The following CACNA1E variants were observed in gnomAD, a reference collection of about 807,000 sequenced individuals.
The protein encoded by CACNA1E is voltage-dependent R-type calcium channel subunit alpha-1E.
Under a neutral mutation model 259.2 loss-of-function variants are expected in CACNA1E, and 40 were observed. That is an observed-to-expected ratio of 0.15 (90% confidence interval 0.12 to 0.20). The LOEUF is 0.20. CACNA1E is among the 10% of genes least tolerant of loss of function. The pLI is 1.00. For missense variants in CACNA1E, 1,874 were observed against 3,040.1 expected (o/e 0.62, Z 9.02); for synonymous variants, 1,104 against 1,138.5 (o/e 0.97, Z 0.61).
chr1:181,523,085 C>G (rs1161765402), intron 3 of CACNA1E, among the ~76,000 whole-genome samples: 1 of 152,270 alleles, frequency 6.6e-6, no homozygotes, highest in East Asian at 1.9e-4. Context: ...TCATTCTGAC[C>G]AAGACCTTCT....
chr1:181,667,809 T>A (rs772186487), intron 7 of CACNA1E, among the ~76,000 whole-genome samples: 3 of 151,722 alleles, frequency 2.0e-5, no homozygotes, highest in Admixed American at 6.6e-5. Flanking sequence ...AAAAAATAGC[T>A]GTTGAAGCTG....
intron 7 of CACNA1E, among the ~76,000 whole-genome samples, chr1:181,710,494 T>A (rs1427166368): frequency 1.3e-5 from 2 of 152,086 alleles, no homozygotes; most frequent in Non-Finnish European, 2.9e-5. Flanking sequence ...AGGATGGTCG[T>A]GAGGATGAAA....
chr1:181,539,356 A>G (rs982749969), intron 3 of CACNA1E, among the ~76,000 whole-genome samples: 2 of 152,208 alleles, frequency 1.3e-5, no homozygotes, highest in African/African-American at 4.8e-5. Flanking sequence ...AAATATTACC[A>G]AATGAACAGA....
chr1:181,757,731 T>C (rs1392437307), intron 30 of CACNA1E, among the ~76,000 whole-genome samples: 1 of 152,132 alleles, frequency 6.6e-6, no homozygotes, highest in African/African-American at 2.4e-5. Flanking sequence ...AACCATGAAG[T>C]CCCTACTCCA....
At chr1:181,397,058 GC>G (rs1317175478) in intron 1 of CACNA1E, among the ~76,000 whole-genome samples, 2 of 152,160 alleles carry the variant, frequency 1.3e-5, no homozygotes, top group South Asian at 2.1e-4. Context: ...GTAGTTCCAA[GC>G]CCTGAAGATA....
chr1:181,440,296 G>A (rs1660376469), intron 2 of CACNA1E, among the ~76,000 whole-genome samples: 1 of 152,210 alleles, frequency 6.6e-6, no homozygotes, highest in South Asian at 2.1e-4. Context: ...CCTTACATCA[G>A]TGATACCCAA....
chr1:181,377,125 A>T (rs1655156299), intron 1 of CACNA1E, among the ~76,000 whole-genome samples: 1 of 152,230 alleles, frequency 6.6e-6, no homozygotes, highest in Non-Finnish European at 1.5e-5. Flanking sequence ...TAAAGAACGT[A>T]AAAAGGGGTT....
At chr1:181,669,374 C>G (rs1390190457) in intron 7 of CACNA1E, among the ~76,000 whole-genome samples, 1 of 152,144 alleles carries the variant, frequency 6.6e-6, no homozygotes, top group Non-Finnish European at 1.5e-5. Flanking sequence ...CTCACTGTTC[C>G]CGGATTTCCC....
chr1:181,659,949 C>T (rs1223044472), intron 7 of CACNA1E, among the ~76,000 whole-genome samples: 3 of 152,132 alleles, frequency 2.0e-5, no homozygotes, highest in South Asian at 2.1e-4. Flanking sequence ...AGAGATATGC[C>T]GCCAGTGGTA....
At chr1:181,693,482 GA>G (rs1405923297) in intron 7 of CACNA1E, among the ~76,000 whole-genome samples, 1 of 152,140 alleles carries the variant, frequency 6.6e-6, no homozygotes, top group East Asian at 1.9e-4. Flanking sequence ...CCATAAAAAG[GA>G]ATGACATCAT....
At chr1:181,553,912 A>G (rs967096383) in intron 3 of CACNA1E, among the ~76,000 whole-genome samples, 3 of 152,288 alleles carry the variant, frequency 2.0e-5, no homozygotes, top group Non-Finnish European at 2.9e-5. Flanking sequence ...GGTGATTGCT[A>G]TCATTATCAT....
At chr1:181,766,652 A>C in intron 35 of CACNA1E, 41 bp downstream of exon 35, 2 of 1,443,258 alleles carry the variant, frequency 1.4e-6, no homozygotes, top group Non-Finnish European at 9.7e-7. Context: ...GACAGCTGTT[A>C]CCCAGATAAT....
rs1409266023 is a variant in CACNA1E at position 181,322,853 on chromosome 1, C to T, written c.-15+4730C>T. ...GAGAGAGTGCTCTAGATTCTCAGTA[C>T]AGGATTGGTAGTGACAGCAGCAGCT... On this transcript the variant is annotated intron_variant, in intron 1 of 11. Transcript: ENST00000524607. Among the ~76,000 whole-genome samples, 5 of 152,104 alleles carry T rather than the reference C, an allele frequency of 3.3e-5. No homozygotes were observed. The East Asian group carries it at 7.7e-4, about 23-fold the overall frequency.
intron 2 of CACNA1E, among the ~76,000 whole-genome samples, chr1:181,415,794 CT>C (rs1291062614): frequency 6.6e-6 from 1 of 152,190 alleles, no homozygotes; most frequent in Non-Finnish European, 1.5e-5. Flanking sequence ...CTCATCATGG[CT>C]TTTCCCCTCA....
intron 8 of CACNA1E, among the ~76,000 whole-genome samples, chr1:181,714,528 C>T (rs1558297172): frequency 6.6e-6 from 1 of 152,112 alleles, no homozygotes; most frequent in Non-Finnish European, 1.5e-5. Context: ...AGTGCCCCTC[C>T]TCCCTAGAAG....
intron 1 of CACNA1E, among the ~76,000 whole-genome samples, chr1:181,408,706 C>T (rs1367331873): frequency 6.6e-6 from 1 of 152,192 alleles, no homozygotes; most frequent in Non-Finnish European, 1.5e-5. Flanking sequence ...TAAAATCACA[C>T]CCTCTGCTCA....
chr1:181,683,134 A>G (rs1210378849), intron 7 of CACNA1E, among the ~76,000 whole-genome samples: 1 of 152,210 alleles, frequency 6.6e-6, no homozygotes, highest in East Asian at 1.9e-4. Flanking sequence ...TCCTTGGTAG[A>G]TAAGATTGAC....
intron 7 of CACNA1E, among the ~76,000 whole-genome samples, chr1:181,659,104 T>A (rs143629619): frequency 2.6e-5 from 4 of 152,122 alleles, no homozygotes; most frequent in African/African-American, 7.2e-5. Context: ...CTGAATGTTA[T>A]GTACCAAGGC....
chr1:181,796,109 T>C (rs1661784749), intron 46 of CACNA1E, among the ~76,000 whole-genome samples: 1 of 152,188 alleles, frequency 6.6e-6, no homozygotes, highest in Non-Finnish European at 1.5e-5. Context: ...ATAGATTGCA[T>C]TGTTTGACAT....
Sources: allele counts gnomAD v4.1 joint callset (sites outside exome capture counted in the v4.1 genomes callset), GRCh38; gene constraint gnomAD v4.1.1; transcripts MANE v1.5; gene names NCBI Gene and HGNC (gene_info 2026-07-23, HGNC 2026-07-21).